The following ANKFN1 variants were observed in gnomAD, a reference collection of about 807,000 sequenced individuals.
The protein encoded by ANKFN1 is ankyrin repeat and fibronectin type III domain containing 1, also known as ankyrin repeat and fibronectin type-III domain-containing protein 1.
In ANKFN1, 74 loss-of-function variants were observed where a neutral mutation model predicts 108.7. That is an observed-to-expected ratio of 0.68 (90% CI 0.56 to 0.83). The LOEUF (loss-of-function observed/expected upper bound fraction) is 0.83. Ranked by LOEUF, ANKFN1 falls within the 40% of genes least tolerant of loss-of-function variation. The pLI is 0.00. For missense variants in ANKFN1, 1,505 were observed against 1,382.3 expected (o/e 1.09, Z -1.41); for synonymous variants, 547 against 516.2 (o/e 1.06, Z -0.81).
intron 4 of ANKFN1, among the ~76,000 whole-genome samples, chr17:56,145,631 C>T (rs1567803387): frequency 6.6e-6 from 1 of 152,160 alleles, no homozygotes; most frequent in African/African-American, 2.4e-5. Context: ...CCACCCTTGA[C>T]ACGTGGGGAT....
intron 8 of ANKFN1, among the ~76,000 whole-genome samples, chr17:56,429,433 C>T (rs1482403775): frequency 6.6e-6 from 1 of 152,198 alleles, no homozygotes; most frequent in Non-Finnish European, 1.5e-5. Context: ...TCTATGCCAA[C>T]TATTAAATCC....
intron 4 of ANKFN1, among the ~76,000 whole-genome samples, chr17:56,104,838 T>C (rs1196969158): frequency 1.3e-5 from 2 of 152,204 alleles, no homozygotes; most frequent in African/African-American, 4.8e-5. Flanking sequence ...TTCAGGATTC[T>C]AGAGTCCTTG....
chr17:56,492,912 G>C (rs2051088020), intron 19 of ANKFN1, among the ~76,000 whole-genome samples: 1 of 152,122 alleles, frequency 6.6e-6, no homozygotes, highest in African/African-American at 2.4e-5. Context: ...TCAGGGTCTT[G>C]TGAAAGGGGT....
chr17:56,269,118 C>T (rs1182733347), intron 3 of ANKFN1, among the ~76,000 whole-genome samples: 1 of 152,116 alleles, frequency 6.6e-6, no homozygotes, highest in East Asian at 1.9e-4. Context: ...GAGTTTAACA[C>T]GATCTTCTCC....
At chr17:56,401,998 T>G (rs983161387) in intron 8 of ANKFN1, among the ~76,000 whole-genome samples, 1 of 152,210 alleles carries the variant, frequency 6.6e-6, no homozygotes, top group African/African-American at 2.4e-5. Flanking sequence ...ATCACATTTA[T>G]TGACCTGCAT....
At chr17:56,313,987 G>GT (rs1598394603) in intron 3 of ANKFN1, among the ~76,000 whole-genome samples, 1 of 152,176 alleles carries the variant, frequency 6.6e-6, no homozygotes, top group Admixed American at 6.5e-5. Context: ...CTATTGATCA[G>GT]TTTTTTCAGT....
chr17:56,420,717 T>C (rs1161406814), intron 8 of ANKFN1, among the ~76,000 whole-genome samples: 1 of 149,876 alleles, frequency 6.7e-6, no homozygotes, highest in African/African-American at 2.4e-5. Context: ...GTTGTTTTCT[T>C]TTTTTTTTGA....
chr17:56,355,238 T>A (rs568790912), intron 6 of ANKFN1, among the ~76,000 whole-genome samples: 1 of 152,270 alleles, frequency 6.6e-6, no homozygotes, highest in South Asian at 2.1e-4. Context: ...TTACAATATG[T>A]CAATTAAAAA....
intron 1 of ANKFN1, chr17:56,156,483 G>A (rs552234412): frequency 6.6e-6 from 1 of 152,342 alleles, no homozygotes; most frequent in Admixed American, 6.5e-5. Flanking sequence ...CAAAGCAGCT[G>A]CTTAAAATGA....
chr17:56,069,499 G>A (rs564715890), intron 4 of ANKFN1, among the ~76,000 whole-genome samples: 133 of 152,278 alleles, frequency 8.7e-4, no homozygotes, highest in Middle Eastern at 3.4e-3. Flanking sequence ...ACTGAATGAG[G>A]TTATATCTCT....
chr17:56,509,744 G>T (rs2051684117), intron 20 of ANKFN1, among the ~76,000 whole-genome samples: 1 of 152,166 alleles, frequency 6.6e-6, no homozygotes, highest in African/African-American at 2.4e-5. Flanking sequence ...CCTACAGTAA[G>T]GAAGAAAAGC....
chr17:56,201,685 T>A (rs927830755), intron 1 of ANKFN1, among the ~76,000 whole-genome samples: 3 of 150,094 alleles, frequency 2.0e-5, no homozygotes, highest in Middle Eastern at 6.8e-3. Context: ...AAAAAAAAAA[T>A]TAGCTATTCA....
At chr17:56,383,756 T>TC (rs2047174951) in intron 8 of ANKFN1, among the ~76,000 whole-genome samples, 1 of 152,146 alleles carries the variant, frequency 6.6e-6, no homozygotes, top group Non-Finnish European at 1.5e-5. Context: ...CCTGGACACA[T>TC]ACACTCTCCC....
intron 4 of ANKFN1, among the ~76,000 whole-genome samples, chr17:56,064,636 C>T (rs1905031751): frequency 6.6e-6 from 1 of 152,226 alleles, no homozygotes; most frequent in Non-Finnish European, 1.5e-5. Flanking sequence ...CCACCTTTCC[C>T]CCACCCAGGC....
chr17:56,057,702 C>A (rs1210233951), intron 4 of ANKFN1, among the ~76,000 whole-genome samples: 2 of 152,106 alleles, frequency 1.3e-5, no homozygotes, highest in African/African-American at 4.8e-5. Context: ...AGGAGAATCA[C>A]TTGAACCCAG....
At chr17:56,083,948 A>G (rs1360083247) in intron 4 of ANKFN1, among the ~76,000 whole-genome samples, 1 of 151,242 alleles carries the variant, frequency 6.6e-6, no homozygotes, top group Non-Finnish European at 1.5e-5. Context: ...TCAAAGTAAA[A>G]TGTCCTCAGG....
rs8076259 is a variant in ANKFN1 at position 56,185,945 on chromosome 17, G to A, written c.-70-26653G>A. On this transcript the variant is annotated intron_variant, in intron 1 of 20. Transcript: ENST00000682825. The stretch of plus-strand genomic sequence containing the variant: ...AAAGTGAAAAAAAAAATAAGAAAAA[G>A]CAATAGACCCATTAGTTTGGGCAGT... Among the ~76,000 whole-genome samples, 264 of 152,172 alleles carry A rather than the reference G, an allele frequency of 1.7e-3. 3 individuals carry two copies. The highest frequency in any genetic ancestry group is 6.1e-3 in the African/African-American group (254 of 41,530).
chr17:56,334,846 T>G (rs1483468197), intron 4 of ANKFN1, among the ~76,000 whole-genome samples: 1 of 152,218 alleles, frequency 6.6e-6, no homozygotes, highest in Non-Finnish European at 1.5e-5. Flanking sequence ...TTCTAGGGTT[T>G]TTATGGTTTT....
chr17:56,477,259 A>T (rs1336752746), intron 15 of ANKFN1, among the ~76,000 whole-genome samples: 1 of 152,220 alleles, frequency 6.6e-6, no homozygotes, highest in South Asian at 2.1e-4. Flanking sequence ...GCAAATAAGC[A>T]TATAGAATAT....
Sources: gnomAD v4.1 joint callset for allele counts (sites outside exome capture counted in the v4.1 genomes callset) on GRCh38, gnomAD v4.1.1 for gene constraint, MANE v1.5 for transcripts, NCBI Gene and HGNC (gene_info 2026-07-23, HGNC 2026-07-21) for gene names.